KCNAB1: variants seen among roughly 807,000 people sequenced by gnomAD.
KCNAB1 encodes voltage-gated potassium channel subunit beta-1.
Under a neutral mutation model 64.6 loss-of-function variants are expected in KCNAB1, and 35 were observed. That is an observed-to-expected ratio of 0.54 (90% confidence interval 0.41 to 0.72). The LOEUF (loss-of-function observed/expected upper bound fraction) is 0.72. KCNAB1 is among the 30% of genes least tolerant of loss of function. The pLI is 0.00. For missense variants in KCNAB1, 401 were observed against 512.9 expected (o/e 0.78, Z 2.11); for synonymous variants, 177 against 183.8 (o/e 0.96, Z 0.30).
intron 5 of KCNAB1, among the ~76,000 whole-genome samples, chr3:156,463,208 T>C (rs58374771): frequency 0.12 from 18,432 of 152,174 alleles, 1,926 homozygotes; most frequent in African/African-American, 0.29. Context: ...CAAGGATCCA[T>C]GTTCCTTGGC....
intron 1 of KCNAB1, among the ~76,000 whole-genome samples, chr3:156,162,001 C>T (rs1460763033): frequency 6.6e-6 from 1 of 152,192 alleles, no homozygotes; most frequent in Non-Finnish European, 1.5e-5. Context: ...ACTCACATAG[C>T]ATTCTTAAAT....
In KCNAB1 at chr3:156,161,629, ACTGT is replaced by A. The variant is rs1716086959; in HGVS notation, c.275+40746_275+40749del. Among the ~76,000 whole-genome samples the A allele has an allele frequency of 5.3e-5, 8 of 152,318 alleles. 1 individual carries two copies. Among genetic ancestry groups the A allele is most frequent in the African/African-American group, 1.9e-4 (8 of 41,576 alleles). ...CATATTTTCTTTTTGAATATAGGTA[ACTGT>A]CTATATATTTTTAAAATATTTTAAT... On this transcript the variant is annotated intron_variant, in intron 1 of 13. Transcript: ENST00000490337.
rs147606032 is a variant in KCNAB1, at chr3:156,132,753, C to T, written c.275+11867C>T. Among the ~76,000 whole-genome samples the T allele has an allele frequency of 2.1e-3, 323 of 152,308 alleles. 3 individuals carry two copies. Among genetic ancestry groups the T allele is most frequent in the African/African-American group, 7.5e-3 (312 of 41,562 alleles). ...GTTCATTTAAACAGTGTAATCATTA[C>T]ACATGTTTTTCTATAATGTACCTCC... On this transcript the variant is annotated intron_variant, in intron 1 of 13. Coordinates refer to ENST00000490337, the MANE Select transcript of KCNAB1 (RefSeq NM_172160.3).
chr3:156,152,321 C>T (rs1715462266), intron 1 of KCNAB1, among the ~76,000 whole-genome samples: 1 of 152,198 alleles, frequency 6.6e-6, no homozygotes, highest in Non-Finnish European at 1.5e-5. Context: ...ACACGGTTAC[C>T]TCAGGATTGT....
At chr3:156,280,182 G>C (rs1239845666) in intron 1 of KCNAB1, among the ~76,000 whole-genome samples, 2 of 148,988 alleles carry the variant, frequency 1.3e-5, no homozygotes, top group African/African-American at 4.9e-5. Flanking sequence ...AGCTTTCTAC[G>C]TATGGCTAGC....
At chr3:156,405,800 A>C (rs1358989198) in intron 1 of KCNAB1, among the ~76,000 whole-genome samples, 2 of 152,252 alleles carry the variant, frequency 1.3e-5, no homozygotes, top group African/African-American at 4.8e-5. Context: ...AAACAATTTG[A>C]GTCTCCTATT....
At chr3:156,433,146 C>T (rs1413998111) in intron 2 of KCNAB1, among the ~76,000 whole-genome samples, 14 of 152,324 alleles carry the variant, frequency 9.2e-5, no homozygotes, top group African/African-American at 3.4e-4. Flanking sequence ...AGAAACGACA[C>T]ACAGATGCCT....
intron 1 of KCNAB1, among the ~76,000 whole-genome samples, chr3:156,137,770 G>A (rs1316771622): frequency 1.3e-5 from 2 of 149,428 alleles, no homozygotes; most frequent in Non-Finnish European, 3.0e-5. Context: ...TAGCCAGACT[G>A]GTCTCGAACT....
chr3:156,238,785 A>G (rs1717004245), intron 1 of KCNAB1, among the ~76,000 whole-genome samples: 1 of 152,230 alleles, frequency 6.6e-6, no homozygotes, highest in South Asian at 2.1e-4. Context: ...CTGATCTAAA[A>G]TTGTGAAAAA....
intron 1 of KCNAB1, among the ~76,000 whole-genome samples, chr3:156,284,389 G>A (rs999044199): frequency 1.3e-5 from 2 of 152,220 alleles, no homozygotes; most frequent in Non-Finnish European, 2.9e-5. Flanking sequence ...ACAGGGACAT[G>A]TAAGTCTGCA....
At chr3:156,536,404 C>A in intron 13 of KCNAB1, 2 of 345,366 alleles carry the variant, frequency 5.8e-6, no homozygotes, top group Non-Finnish European at 1.0e-5. Context: ...CATTATATTT[C>A]TGTTGGATAG....
In KCNAB1 at chr3:156,159,311, T is replaced by A. The variant is rs539174796; in HGVS notation, c.275+38425T>A. On this transcript the variant is annotated intron_variant, in intron 1 of 13. Coordinates refer to ENST00000490337, the MANE Select transcript of KCNAB1 (RefSeq NM_172160.3). ...AGGGGAATATTTTCCTCTATTAGTCTATGTCTCAAGTGGTTTGTGCTGCTT... is the reference window on the plus strand; with the variant it reads ...AGGGGAATATTTTCCTCTATTAGTCAATGTCTCAAGTGGTTTGTGCTGCTT... Among the ~76,000 whole-genome samples, 16 of 152,310 alleles carry A rather than the reference T, an allele frequency of 1.1e-4. No homozygotes were observed. In the East Asian group the frequency reaches 3.1e-3, roughly 29 times the overall value.
intron 1 of KCNAB1, among the ~76,000 whole-genome samples, chr3:156,289,540 T>G (rs1720281373): frequency 6.6e-6 from 1 of 152,188 alleles, no homozygotes. Context: ...AGTAAAGACA[T>G]GCTTCAAGTA....
intron 1 of KCNAB1, among the ~76,000 whole-genome samples, chr3:156,166,499 T>A (rs776239473): frequency 1.3e-5 from 2 of 151,708 alleles, no homozygotes; most frequent in Non-Finnish European, 2.9e-5. Context: ...ATTTTTATCA[T>A]TGTGCTAGAC....
At chr3:156,499,883 G>C (rs1716272709) in intron 8 of KCNAB1, among the ~76,000 whole-genome samples, 1 of 152,092 alleles carries the variant, frequency 6.6e-6, no homozygotes, top group Non-Finnish European at 1.5e-5. Context: ...CAGCTCCCTG[G>C]TGTGACCCAC....
intron 2 of KCNAB1, among the ~76,000 whole-genome samples, chr3:156,434,467 G>T (rs16826134): frequency 0.036 from 5,435 of 152,110 alleles, 325 homozygotes; most frequent in African/African-American, 0.13. Flanking sequence ...TGACCAAATT[G>T]GCAAAAGCAG....
intron 8 of KCNAB1, among the ~76,000 whole-genome samples, chr3:156,503,331 A>C (rs1716578829): frequency 6.6e-6 from 1 of 152,250 alleles, no homozygotes; most frequent in Non-Finnish European, 1.5e-5. Context: ...TTACAGGGAA[A>C]TAATGAGGAT....
chr3:156,238,245 A>AC (rs1484949239), intron 1 of KCNAB1, among the ~76,000 whole-genome samples: 6 of 151,950 alleles, frequency 3.9e-5, no homozygotes, highest in South Asian at 4.2e-4. Flanking sequence ...ACACGGTGAA[A>AC]CCCTGTCTCT....
At chr3:156,138,019 C>T (rs528196549) in intron 1 of KCNAB1, among the ~76,000 whole-genome samples, 1 of 152,292 alleles carries the variant, frequency 6.6e-6, no homozygotes, top group East Asian at 1.9e-4. Context: ...ACTTCGTAGT[C>T]TTTACTGGTT....
Sources: allele counts gnomAD v4.1 joint callset (sites outside exome capture counted in the v4.1 genomes callset), GRCh38; gene constraint gnomAD v4.1.1; transcripts MANE v1.5; gene names NCBI Gene and HGNC (gene_info 2026-07-23, HGNC 2026-07-21).